HIVEP3: variants seen among roughly 807,000 people sequenced by gnomAD.
HIVEP3 encodes transcription factor HIVEP3.
Under a neutral mutation model 152.8 loss-of-function variants are expected in HIVEP3, and 49 were observed. That is an observed-to-expected ratio of 0.32 (90% confidence interval 0.26 to 0.41). HIVEP3 has a LOEUF of 0.41. Among genes scored for constraint, HIVEP3 ranks in the 10% least tolerant of loss-of-function variants. The pLI, the probability that HIVEP3 is intolerant of heterozygous loss-of-function variation, is 1.00. For missense variants in HIVEP3, 2,790 were observed against 3,103.3 expected (o/e 0.90, Z 2.40); for synonymous variants, 1,269 against 1,289.0 (o/e 0.98, Z 0.33).
At chr1:41,604,752 A>G (rs1377258609) in intron 3 of HIVEP3, among the ~76,000 whole-genome samples, 1 of 152,172 alleles carries the variant, frequency 6.6e-6, no homozygotes, top group African/African-American at 2.4e-5. Context: ...AAGACATACT[A>G]TATGATTCCA....
intron 3 of HIVEP3, among the ~76,000 whole-genome samples, chr1:41,611,643 T>C (rs1291623426): frequency 6.6e-6 from 1 of 152,190 alleles, no homozygotes; most frequent in Non-Finnish European, 1.5e-5. Context: ...CACCTCCACA[T>C]GTGGCTCTAG....
At position 41,626,502 on chromosome 1, in the gene HIVEP3, G is replaced by C. The variant is rs564933182; in HGVS notation, c.-522+2247C>G. Among the ~76,000 whole-genome samples, 80 of 152,316 alleles carry C rather than the reference G, an allele frequency of 5.3e-4. No homozygotes were observed. The South Asian group carries it at 0.016, about 31-fold the overall frequency. On this transcript the variant is annotated intron_variant, in intron 3 of 8. Coordinates refer to ENST00000372583, the MANE Select transcript of HIVEP3 (RefSeq NM_024503.5). ...AACAAAGAGTCTGGGCACGAAGCGGGGGGAGGGGAGGGAAATGCCAAGTCT... is the reference window on the plus strand; with the variant it reads ...AACAAAGAGTCTGGGCACGAAGCGGCGGGAGGGGAGGGAAATGCCAAGTCT...
intron 1 of HIVEP3, among the ~76,000 whole-genome samples, chr1:41,748,807 C>T (rs1245424123): frequency 6.6e-6 from 1 of 152,200 alleles, no homozygotes; most frequent in Non-Finnish European, 1.5e-5. Context: ...CCAGCGGGGT[C>T]CTTCAGGCTT....
At chr1:41,799,704 A>G (rs1387398741) in intron 1 of HIVEP3, among the ~76,000 whole-genome samples, 1 of 152,112 alleles carries the variant, frequency 6.6e-6, no homozygotes, top group Non-Finnish European at 1.5e-5. Context: ...TCTTAGTTGC[A>G]TGAGATCAAA....
intron 1 of HIVEP3, among the ~76,000 whole-genome samples, chr1:41,796,640 G>A (rs1203947420): frequency 6.6e-6 from 1 of 152,122 alleles, no homozygotes; most frequent in Non-Finnish European, 1.5e-5. Flanking sequence ...ATCTTGAGCA[G>A]GTAATTTACC....
intron 1 of HIVEP3, among the ~76,000 whole-genome samples, chr1:41,861,316 A>C (rs1643885423): frequency 6.6e-6 from 1 of 152,262 alleles, no homozygotes; most frequent in South Asian, 2.1e-4. Context: ...GTTATAAAAA[A>C]GAAATGAAAA....
At chr1:42,016,744 T>A (rs543104397) in intron 1 of HIVEP3, among the ~76,000 whole-genome samples, 5 of 152,308 alleles carry the variant, frequency 3.3e-5, no homozygotes, top group African/African-American at 1.2e-4. Context: ...CTGATACAGA[T>A]CAACCTCATT....
intron 2 of HIVEP3, among the ~76,000 whole-genome samples, chr1:41,656,918 G>A (rs538702639): frequency 6.6e-6 from 1 of 152,308 alleles, no homozygotes; most frequent in South Asian, 2.1e-4. Flanking sequence ...AGCCTGTTGG[G>A]CTGGGTCCCT....
chr1:41,842,796 C>T (rs759067526), intron 1 of HIVEP3, among the ~76,000 whole-genome samples: 2 of 152,080 alleles, frequency 1.3e-5, no homozygotes, highest in African/African-American at 4.8e-5. Flanking sequence ...GCTCTTTTTG[C>T]CCCCCGCTTC....
chr1:41,734,112 A>G (rs1052335402), intron 1 of HIVEP3, among the ~76,000 whole-genome samples: 10 of 151,306 alleles, frequency 6.6e-5, no homozygotes, highest in Admixed American at 5.9e-4. Context: ...TGGCCTCTCC[A>G]GTCAGTGAGC....
intron 5 of HIVEP3, among the ~76,000 whole-genome samples, chr1:41,561,695 T>TTG (rs1644066208): frequency 3.0e-5 from 1 of 32,908 alleles, no homozygotes; most frequent in African/African-American, 9.1e-5. Context: ...TTTTTTTTTT[T>TTG]GTAGAGACAA....
chr1:41,666,664 G>A (rs1157362533), intron 2 of HIVEP3, among the ~76,000 whole-genome samples: 1 of 152,074 alleles, frequency 6.6e-6, no homozygotes, highest in Non-Finnish European at 1.5e-5. Flanking sequence ...CCTTCTCCAT[G>A]CCTGGTGCCT....
Position 41,868,889 on chromosome 1 carries a change from C to T in HIVEP3, c.-801+49524G>A, listed in dbSNP as rs1325388096. 2.6e-5 allele frequency among the ~76,000 whole-genome samples: 4 copies of T among 152,330 alleles called. No homozygotes were observed. In the South Asian group the frequency reaches 8.3e-4, roughly 32 times the overall value. On this transcript the variant is annotated intron_variant, in intron 1 of 8. Coordinates refer to ENST00000372583, the MANE Select transcript of HIVEP3 (RefSeq NM_024503.5). Reference sequence around the variant, plus strand: ...TGAACAATTAAAACAAAACAGACACCTAAAGCATAATGACTGTGCACATTA... The same window carrying T: ...TGAACAATTAAAACAAAACAGACACTTAAAGCATAATGACTGTGCACATTA...
intron 5 of HIVEP3, among the ~76,000 whole-genome samples, chr1:41,538,183 T>C (rs1377352294): frequency 2.0e-5 from 3 of 152,022 alleles, no homozygotes; most frequent in African/African-American, 7.3e-5. Flanking sequence ...GTGCACAGGG[T>C]CAGACCTGAG....
chr1:41,685,941 A>AC (rs1201589815), intron 2 of HIVEP3, among the ~76,000 whole-genome samples: 1 of 152,186 alleles, frequency 6.6e-6, no homozygotes, highest in Non-Finnish European at 1.5e-5. Context: ...AACAACAGGC[A>AC]CCAGTGGATC....
At chr1:41,765,907 G>C (rs887452448) in intron 1 of HIVEP3, among the ~76,000 whole-genome samples, 3 of 152,212 alleles carry the variant, frequency 2.0e-5, no homozygotes, top group African/African-American at 7.2e-5. Flanking sequence ...CCCTGTCTGG[G>C]GTGTGCCTGC....
intron 1 of HIVEP3, among the ~76,000 whole-genome samples, chr1:41,959,442 C>T (rs771344325): frequency 2.0e-5 from 3 of 152,212 alleles, no homozygotes; most frequent in African/African-American, 2.4e-5. Flanking sequence ...ATCCACCTTA[C>T]AGCAAAGAAA....
intron 1 of HIVEP3, among the ~76,000 whole-genome samples, chr1:42,026,830 T>G (rs1221301179): frequency 1.3e-5 from 2 of 152,230 alleles, no homozygotes; most frequent in African/African-American, 4.8e-5. Flanking sequence ...CCAAAACTAT[T>G]GCAAGCAACA....
intron 5 of HIVEP3, among the ~76,000 whole-genome samples, chr1:41,531,106 GAAGGGAGGACAGGAGCA>G (rs1243310353): frequency 1.3e-5 from 2 of 150,782 alleles, no homozygotes; most frequent in Admixed American, 6.6e-5. Context: ...GGATGGGAGA[GAAGGGAGGACAGGAGCA>G]AAGGGAGGAC....
Sources: gnomAD v4.1 joint callset for allele counts (sites outside exome capture counted in the v4.1 genomes callset) on GRCh38, gnomAD v4.1.1 for gene constraint, MANE v1.5 for transcripts, NCBI Gene and HGNC (gene_info 2026-07-23, HGNC 2026-07-21) for gene names.